USH2A: variants seen among roughly 807,000 people sequenced by gnomAD.
The protein encoded by USH2A is Usher syndrome 2A (autosomal recessive, mild).
In USH2A, 443 loss-of-function variants were observed where a neutral mutation model predicts 538.9. The ratio of observed to expected loss-of-function variants is 0.82; its 90% confidence interval spans 0.76 to 0.89. USH2A has a LOEUF of 0.89. Ranked by LOEUF, USH2A falls within the 40% of genes least tolerant of loss-of-function variation. The pLI is 0.00. For missense variants in USH2A, 6,633 were observed against 6,324.8 expected (o/e 1.05, Z -1.65); for synonymous variants, 2,413 against 2,273.5 (o/e 1.06, Z -1.75).
In USH2A at chr1:215,830,373, C is replaced by T. The variant is rs556928586; in HGVS notation, c.9371+7618G>A. Among the ~76,000 whole-genome samples the T allele has an allele frequency of 1.6e-3, 240 of 152,154 alleles. 1 individual carries two copies. Among genetic ancestry groups the T allele is most frequent in the African/African-American group, 5.2e-3 (215 of 41,500 alleles). On this transcript the variant is annotated intron_variant, in intron 47 of 71. Coordinates refer to ENST00000307340, the MANE Select transcript of USH2A (RefSeq NM_206933.4). ...GCCAAATTGGAATCTAAAGCCCCAA[C>T]GGGGGGAAAAATCTTTCTGTCCAGA...
At chr1:215,903,289 G>T (rs547265252) in intron 38 of USH2A, among the ~76,000 whole-genome samples, 1 of 152,124 alleles carries the variant, frequency 6.6e-6, no homozygotes, top group Non-Finnish European at 1.5e-5. Flanking sequence ...GGGCATAGCA[G>T]TCTGAGCTAA....
intron 37 of USH2A, among the ~76,000 whole-genome samples, chr1:215,953,701 TAATTG>T (rs1666990189): frequency 6.6e-6 from 1 of 151,812 alleles, no homozygotes; most frequent in Non-Finnish European, 1.5e-5. Flanking sequence ...ACAAAAGCCA[TAATTG>T]ACAAATGGGA....
chr1:215,924,463 G>A (rs1022914), intron 38 of USH2A, among the ~76,000 whole-genome samples: 6,136 of 152,042 alleles, frequency 0.04, 135 homozygotes, highest in Middle Eastern at 0.068. Flanking sequence ...TTTTATGCAA[G>A]TCAGGCATAC....
chr1:215,878,790 T>C lies in USH2A; in HGVS notation c.8532A>G (p.Pro2844=). The C allele has an allele frequency of 6.2e-7, 1 of 1,614,032 alleles. No homozygotes were observed. Among genetic ancestry groups the C allele is most frequent in the Non-Finnish European group, 8.5e-7 (1 of 1,179,944 alleles). The change falls in exon 42 of 72, where the codon CCA becomes CCG. Residue 2844 remains proline, a synonymous_variant. Coordinates refer to ENST00000307340, the MANE Select transcript of USH2A (RefSeq NM_206933.4). ...ESYVVISWQP[P]SKPNGPNLRY... ...TCAAATTAGGTCCATTTGGCTTGGA[T>C]GGTGGTTGCCAAGAAATCACAACAT...
chr1:216,361,354 A>G (rs553315355), intron 4 of USH2A, among the ~76,000 whole-genome samples: 39 of 152,276 alleles, frequency 2.6e-4, no homozygotes, highest in Middle Eastern at 3.4e-3. Context: ...GTTTGCAAAA[A>G]TAGTCTAAAC....
chr1:216,074,316 C>A (rs934949105), intron 27 of USH2A, among the ~76,000 whole-genome samples: 2 of 119,694 alleles, frequency 1.7e-5, no homozygotes, highest in Admixed American at 1.9e-4. Flanking sequence ...ATTGCTGTAG[C>A]GTGCATGTTC....
intron 43 of USH2A, among the ~76,000 whole-genome samples, chr1:215,872,319 C>T (rs1309538377): frequency 1.3e-5 from 2 of 152,132 alleles, no homozygotes; most frequent in Non-Finnish European, 2.9e-5. Flanking sequence ...TTTGTTGATT[C>T]TAAAAATAGT....
At chr1:215,862,200 T>C (rs1018296683) in intron 44 of USH2A, among the ~76,000 whole-genome samples, 3 of 152,220 alleles carry the variant, frequency 2.0e-5, no homozygotes, top group Admixed American at 2.0e-4. Context: ...CAGGTAATTA[T>C]AAAATAACAT....
chr1:216,416,863 C>G (rs895023183), intron 3 of USH2A, among the ~76,000 whole-genome samples: 3 of 152,022 alleles, frequency 2.0e-5, no homozygotes, highest in African/African-American at 7.2e-5. Context: ...ATGCAACAAA[C>G]ATATCTATTT....
At chr1:216,398,087 G>A (rs2039245217) in intron 3 of USH2A, among the ~76,000 whole-genome samples, 1 of 152,102 alleles carries the variant, frequency 6.6e-6, no homozygotes, top group Non-Finnish European at 1.5e-5. Context: ...CACAATTTTA[G>A]CCAATATACT....
At chr1:215,653,110 T>C (rs532091919) in intron 64 of USH2A, among the ~76,000 whole-genome samples, 64 of 152,294 alleles carry the variant, frequency 4.2e-4, no homozygotes, top group African/African-American at 1.5e-3. Flanking sequence ...TCAATGTAGA[T>C]ATAGAATCAT....
intron 63 of USH2A, among the ~76,000 whole-genome samples, chr1:215,671,913 C>T (rs1032251823): frequency 1.3e-5 from 2 of 152,040 alleles, no homozygotes; most frequent in African/African-American, 4.8e-5. Context: ...TAATAAATCC[C>T]CTCACCTGAT....
intron 68 of USH2A, 58 bp from the exon 69 acceptor site, chr1:215,639,296 A>G: frequency 6.5e-7 from 1 of 1,548,166 alleles, no homozygotes; most frequent in Non-Finnish European, 8.9e-7. Flanking sequence ...CAAATAGGGC[A>G]CATGCTTTTA....
At chr1:216,104,571 A>T (rs2032683980) in intron 21 of USH2A, among the ~76,000 whole-genome samples, 1 of 152,198 alleles carries the variant, frequency 6.6e-6, no homozygotes, top group Admixed American at 6.5e-5. Context: ...GAAATGGGGA[A>T]AGGATTCACT....
rs184151275 is a variant in USH2A at position 215,995,333 on chromosome 1, T to G, written c.6658-2166A>C. Among the ~76,000 whole-genome samples, 189 of 152,344 alleles carry G rather than the reference T, an allele frequency of 1.2e-3. 2 individuals are homozygous for G. The highest frequency in any genetic ancestry group is 1.9e-3 in the Admixed American group (29 of 15,304). On this transcript the variant is annotated intron_variant, in intron 34 of 71. Transcript: ENST00000307340. The stretch of plus-strand genomic sequence containing the variant: ...ATGTAAGGCATTTATGAAAGCATTT[T>G]TCTTGTAAATGAAATTATTTATAAA...
chr1:216,317,289 G>A (rs148790763), intron 9 of USH2A, among the ~76,000 whole-genome samples: 18 of 152,088 alleles, frequency 1.2e-4, no homozygotes, highest in East Asian at 5.8e-4. Context: ...AAATAATGCC[G>A]GTACAAAAAA....
chr1:215,735,684 C>T (rs959187107), intron 60 of USH2A, among the ~76,000 whole-genome samples: 1 of 151,930 alleles, frequency 6.6e-6, no homozygotes. Flanking sequence ...TTTAACATTC[C>T]AGACATTTTT....
intron 30 of USH2A, among the ~76,000 whole-genome samples, chr1:216,063,850 C>T (rs1397340744): frequency 6.6e-6 from 1 of 152,118 alleles, no homozygotes; most frequent in Non-Finnish European, 1.5e-5. Context: ...AATTAAGATC[C>T]TATGGCATAT....
intron 21 of USH2A, among the ~76,000 whole-genome samples, chr1:216,139,877 C>A (rs181409358): frequency 6.6e-6 from 1 of 152,146 alleles, no homozygotes; most frequent in Non-Finnish European, 1.5e-5. Flanking sequence ...TTCTGACTTG[C>A]GACCCTTTAC....
Sources: allele counts gnomAD v4.1 joint callset (sites outside exome capture counted in the v4.1 genomes callset), GRCh38; gene constraint gnomAD v4.1.1; transcripts MANE v1.5; gene names NCBI Gene and HGNC (gene_info 2026-07-23, HGNC 2026-07-21).